ITPR2: variants seen among roughly 807,000 people sequenced by gnomAD.
ITPR2 encodes inositol 1,4,5-trisphosphate-gated calcium channel ITPR2.
Under a neutral mutation model 317.1 loss-of-function variants are expected in ITPR2, and 207 were observed. That is an observed-to-expected ratio of 0.65 (90% CI 0.58 to 0.73). ITPR2 has a LOEUF of 0.73. ITPR2 is among the 30% of genes least tolerant of loss of function. The probability of loss-of-function intolerance (pLI) is 0.00; values close to 1 mark genes in which losing one functional copy is unlikely to be tolerated. For synonymous variants in ITPR2, 1,156 were observed against 1,149.1 expected (o/e 1.01, Z -0.12); for missense variants, 2,613 against 3,284.0 (o/e 0.80, Z 4.99).
intron 13 of ITPR2, among the ~76,000 whole-genome samples, chr12:26,675,147 C>T (rs1425643303): frequency 6.6e-6 from 1 of 152,232 alleles, no homozygotes; most frequent in African/African-American, 2.4e-5. Context: ...GGCAATTCCT[C>T]AGGGATCTAG....
chr12:26,710,838 A>G (rs1948631550), intron 9 of ITPR2, among the ~76,000 whole-genome samples: 1 of 152,226 alleles, frequency 6.6e-6, no homozygotes, highest in African/African-American at 2.4e-5. Flanking sequence ...AACTGATCAT[A>G]TCTATGATGC....
intron 2 of ITPR2, among the ~76,000 whole-genome samples, chr12:26,750,466 T>C (rs1949394642): frequency 6.6e-6 from 1 of 152,174 alleles, no homozygotes; most frequent in Non-Finnish European, 1.5e-5. Flanking sequence ...CAAGGAGTCA[T>C]CCTTCATAGA....
At chr12:26,641,293 C>A (rs1307193906) in intron 21 of ITPR2, among the ~76,000 whole-genome samples, 1 of 151,248 alleles carries the variant, frequency 6.6e-6, no homozygotes, top group Non-Finnish European at 1.5e-5. Context: ...CCAGCCAAAT[C>A]AAAACTCTTT....
chr12:26,725,298 T>C (rs1264135624), intron 3 of ITPR2, among the ~76,000 whole-genome samples: 3 of 152,234 alleles, frequency 2.0e-5, no homozygotes, highest in Admixed American at 2.0e-4. Context: ...GTCTTTCAAT[T>C]ATTTTTCTCC....
At chr12:26,630,052 C>G (rs1946713581) in intron 22 of ITPR2, among the ~76,000 whole-genome samples, 1 of 152,250 alleles carries the variant, frequency 6.6e-6, no homozygotes, top group African/African-American at 2.4e-5. Context: ...CAGGAGACAG[C>G]TCATGGGAAA....
intron 45 of ITPR2, among the ~76,000 whole-genome samples, chr12:26,462,281 C>T (rs1226143365): frequency 6.6e-6 from 1 of 152,090 alleles, no homozygotes. Context: ...ATTCTCGTGC[C>T]TCAGCTTCCT....
intron 37 of ITPR2, among the ~76,000 whole-genome samples, chr12:26,505,454 C>T (rs944598415): frequency 1.3e-5 from 2 of 152,172 alleles, no homozygotes; most frequent in Non-Finnish European, 2.9e-5. Flanking sequence ...TTTCTGTCCC[C>T]CGACCCTGAG....
In ITPR2 at chr12:26,725,657, T is replaced by A; in HGVS notation, c.272A>T (p.Lys91Ile). Residue 91 changes from lysine to isoleucine, a missense_variant, in exon 3 of 57, where the codon AAA becomes ATA. Lys to Ile is a moderately radical substitution (Grantham distance 102, BLOSUM62 -3). This residue lies in a region of ITPR2 where 515 missense variants were observed against 789.4 expected (regional missense o/e 0.65). Coordinates refer to ENST00000381340, the MANE Select transcript of ITPR2 (RefSeq NM_002223.4). ...TGGAATCCTGGTCCTTACCTGTAGTTTCTTCAGCAAGGCTGCCTCGGTGTG... is the reference window on the plus strand; with the variant it reads ...TGGAATCCTGGTCCTTACCTGTAGTATCTTCAGCAAGGCTGCCTCGGTGTG... ...GNHTEAALLK[K>I]LQHAAELEQK... The A allele has an allele frequency of 6.2e-7, 1 of 1,611,552 alleles. No individual in the cohort carries two copies. Among genetic ancestry groups the A allele is most frequent in the Non-Finnish European group, 8.5e-7 (1 of 1,178,012 alleles).
chr12:26,385,109 G>A (rs1194345855), intron 55 of ITPR2, among the ~76,000 whole-genome samples: 2 of 152,136 alleles, frequency 1.3e-5, no homozygotes, highest in Admixed American at 6.5e-5. Flanking sequence ...TTTAGATGAG[G>A]AGGCAGAAGC....
intron 45 of ITPR2, among the ~76,000 whole-genome samples, chr12:26,464,038 C>T (rs1363987309): frequency 1.3e-5 from 2 of 152,148 alleles, no homozygotes; most frequent in Non-Finnish European, 2.9e-5. Flanking sequence ...CACCACAAAG[C>T]CTTATACAGT....
chr12:26,763,173 T>C (rs967954484), intron 2 of ITPR2, among the ~76,000 whole-genome samples: 3 of 152,260 alleles, frequency 2.0e-5, no homozygotes, highest in Middle Eastern at 3.4e-3. Context: ...CTGGGGCATA[T>C]ATGCTTCATT....
At chr12:26,625,998 G>A (rs559175064) in intron 23 of ITPR2, among the ~76,000 whole-genome samples, 1 of 152,252 alleles carries the variant, frequency 6.6e-6, no homozygotes, top group Admixed American at 6.5e-5. Context: ...GTCTTGTTCT[G>A]TTGCCCAGGC....
intron 28 of ITPR2, 85 bp downstream of exon 28, chr12:26,602,285 A>T: frequency 6.9e-7 from 1 of 1,457,916 alleles, no homozygotes. Context: ...ATAATTAAGA[A>T]AGAAAAAATT....
rs1947516092 is a variant in ITPR2, at chr12:26,662,029, G to A, written c.1713+1656C>T. Reference sequence around the variant, plus strand: ...GGTGTTTATAACTAGGATTATATTAGACAATATTTAAGGATTTGTTTATAT... The same window carrying A: ...GGTGTTTATAACTAGGATTATATTAAACAATATTTAAGGATTTGTTTATAT... On this transcript the variant is annotated intron_variant, in intron 15 of 56. Transcript: ENST00000381340. 2.6e-5 allele frequency among the ~76,000 whole-genome samples: 4 copies of A among 152,142 alleles called. No individual in the cohort carries two copies. The South Asian group carries it at 8.3e-4, about 31-fold the overall frequency.
intron 2 of ITPR2, among the ~76,000 whole-genome samples, chr12:26,754,166 T>TA (rs1412745453): frequency 2.0e-5 from 3 of 152,228 alleles, no homozygotes; most frequent in African/African-American, 7.2e-5. Flanking sequence ...AAGGTAATTG[T>TA]AAAGGATTAT....
intron 55 of ITPR2, among the ~76,000 whole-genome samples, chr12:26,361,962 A>C (rs1011700380): frequency 1.3e-5 from 2 of 152,302 alleles, no homozygotes. Context: ...ACCAAATCCC[A>C]CTTTGAATAC....
Position 26,464,593 on chromosome 12 carries a change from G to A in ITPR2, c.6342+10703C>T, listed in dbSNP as rs374286720. Reference sequence around the variant, plus strand: ...TCTACAGCACTTGTTGACTATCACAGCCACTCATTTACTTACTCTCTCACT... The same window carrying A: ...TCTACAGCACTTGTTGACTATCACAACCACTCATTTACTTACTCTCTCACT... On this transcript the variant is annotated intron_variant, in intron 45 of 56. Transcript: ENST00000381340. 1.3e-4 allele frequency among the ~76,000 whole-genome samples: 20 copies of A among 152,274 alleles called. No individual in the cohort carries two copies. The East Asian group carries it at 3.7e-3, about 28-fold the overall frequency.
At chr12:26,456,170 G>T (rs1189179938) in intron 45 of ITPR2, among the ~76,000 whole-genome samples, 1 of 152,196 alleles carries the variant, frequency 6.6e-6, no homozygotes, top group Non-Finnish European at 1.5e-5. Flanking sequence ...ATAGGAGGTT[G>T]GCACAAGGTA....
intron 41 of ITPR2, among the ~76,000 whole-genome samples, chr12:26,485,744 C>T (rs1435295415): frequency 6.6e-6 from 1 of 152,088 alleles, no homozygotes; most frequent in Non-Finnish European, 1.5e-5. Flanking sequence ...ATGAAAGCCC[C>T]TTAAGAATAT....
Sources: gnomAD v4.1 joint callset for allele counts (sites outside exome capture counted in the v4.1 genomes callset) on GRCh38, gnomAD v4.1.1 for gene constraint, gnomAD v4.1.1 regional missense constraint, MANE v1.5 for transcripts, NCBI Gene and HGNC (gene_info 2026-07-23, HGNC 2026-07-21) for gene names.